The following FBH1 variants were observed in gnomAD, a reference collection of about 807,000 sequenced individuals.
FBH1 encodes the protein DNA 3'-5' helicase 1.
A neutral mutation model predicts 115.5 loss-of-function variants in FBH1; 43 were observed. The ratio of observed to expected loss-of-function variants is 0.37; its 90% CI spans 0.29 to 0.48. FBH1 has a LOEUF of 0.48. Ranked by LOEUF, FBH1 falls within the 20% of genes least tolerant of loss-of-function variation. The pLI is 0.99. For synonymous variants in FBH1, 524 were observed against 507.8 expected (o/e 1.03, Z -0.43); for missense variants, 1,001 against 1,337.3 (o/e 0.75, Z 3.92).
Position 5,906,258 on chromosome 10 carries a change from T to G in FBH1, c.379T>G (p.Ser127Ala), listed in dbSNP as rs746466502. Residue 127 changes from serine to alanine, a missense_variant, in exon 3 of 21, where the codon TCT becomes GCT. Coordinates refer to ENST00000362091, the MANE Select transcript of FBH1 (RefSeq NM_178150.3). This position sits in a 1 kb window ranked among gnomAD's most constrained non-coding sequence, Gnocchi z 7.3. ...GCCCTCCAGGAAGCGGTCTTGGTCC[T>G]CTGAGGAAGAGAGTAACCAGGCTAC... is the stretch of plus-strand genomic sequence containing the variant. ...APPSRKRSWSSEEESNQATGT... is the reference protein window; with the variant it reads ...APPSRKRSWSAEEESNQATGT... 1.2e-5 allele frequency: 20 copies of G among 1,614,206 alleles called. No homozygotes were observed. The African/African-American group carries it at 2.7e-4, about 22-fold the overall frequency.
Position 5,933,642 on chromosome 10 carries a change from GTT to G in FBH1, c.2830-2799_2830-2798del, listed in dbSNP as rs371766916. ...TTGTTAGAAGTGGAGGCACTCTGCT[GTT>G]TTTTTTTTTTTTTTAAAAAACAGAG... On this transcript the variant is annotated intron_variant, in intron 19 of 20. Transcript: ENST00000362091. The surrounding 1 kb of genome is among the most constrained non-coding windows in gnomAD (Gnocchi z 4.9). Among the ~76,000 whole-genome samples, 12,650 of 143,322 alleles carry G rather than the reference GTT, an allele frequency of 0.088. 1,724 individuals are homozygous for G. Among genetic ancestry groups the G allele is most frequent in the African/African-American group, 0.3 (11,863 of 39,564 alleles). 94.0% of individuals were successfully genotyped at this position (143,322 alleles called of 152,430 possible).
chr10:5,915,586 C>T lies in FBH1; in HGVS notation c.1565+15C>T, dbSNP rs1831875343. The T allele has an allele frequency of 2.5e-6, 4 of 1,611,912 alleles. No homozygotes were observed. The highest frequency in any genetic ancestry group is 3.4e-6 in the Non-Finnish European group (4 of 1,178,304). Reference sequence around the variant, plus strand: ...ATAGGGCGGAAGTGAGTACTGCTGTCACTAGTGGCACTGTTGCTGCTGGCA... The same window carrying T: ...ATAGGGCGGAAGTGAGTACTGCTGTTACTAGTGGCACTGTTGCTGCTGGCA... On this transcript the variant is annotated intron_variant, in intron 9 of 20. Coordinates refer to ENST00000362091, the MANE Select transcript of FBH1 (RefSeq NM_178150.3). This position sits in a 1 kb window ranked among gnomAD's most constrained non-coding sequence, Gnocchi z 5.2.
At chr10:5,926,895 C>T (rs1832685969) in intron 18 of FBH1, among the ~76,000 whole-genome samples, 1 of 152,230 alleles carries the variant, frequency 6.6e-6, no homozygotes, top group Non-Finnish European at 1.5e-5. Flanking sequence ...TGCGGTTGAA[C>T]AGCACAGACA....
chr10:5,890,434 C>T (rs546757442), intron 1 of FBH1, 88 bp downstream of exon 1: 106 of 341,740 alleles, frequency 3.1e-4, no homozygotes, highest in Non-Finnish European at 5.2e-4. Flanking sequence ...GCGGGGGGTC[C>T]GGGCCCGGGG....
At chr10:5,907,314 C>A (rs1474111831) in intron 3 of FBH1, among the ~76,000 whole-genome samples, 3 of 151,856 alleles carry the variant, frequency 2.0e-5, no homozygotes, top group Non-Finnish European at 4.4e-5. Context: ...TAGCAATAAA[C>A]CCCTCTCTTA....
chr10:5,914,275 G>C lies in FBH1; in HGVS notation c.1396+6G>C, dbSNP rs1392999746. On this transcript the variant is annotated splice_donor_region_variant and intron_variant, in intron 8 of 20. Coordinates refer to ENST00000362091, the MANE Select transcript of FBH1 (RefSeq NM_178150.3). The surrounding 1 kb of genome is among the most constrained non-coding windows in gnomAD (Gnocchi z 5.2). The stretch of plus-strand genomic sequence containing the variant: ...GAAAATTATGGCCTTTGCCGGTAAG[G>C]GAGCCCACATCAGGTTCACGAGGTG... The C allele has an allele frequency of 1.2e-6, 2 of 1,613,718 alleles. No homozygotes were observed. Among genetic ancestry groups the C allele is most frequent in the Non-Finnish European group, 1.7e-6 (2 of 1,179,682 alleles).
Position 5,897,979 on chromosome 10 carries a change from C to G in FBH1, c.2-5041C>G, listed in dbSNP as rs1467479474. Reference sequence around the variant, plus strand: ...ACATTTTTGATGTTCTGTCATCAGTCTGTTGTGAGCTACCAGGGAGGTCTC... The same window carrying G: ...ACATTTTTGATGTTCTGTCATCAGTGTGTTGTGAGCTACCAGGGAGGTCTC... On this transcript the variant is annotated intron_variant, in intron 1 of 20. Coordinates refer to ENST00000362091, the MANE Select transcript of FBH1 (RefSeq NM_178150.3). The surrounding 1 kb of genome is among the most constrained non-coding windows in gnomAD (Gnocchi z 4.7). Among the ~76,000 whole-genome samples the G allele has an allele frequency of 6.6e-6, 1 of 152,202 alleles. No homozygotes were observed. Among genetic ancestry groups the G allele is most frequent in the Non-Finnish European group, 1.5e-5 (1 of 68,028 alleles).
intron 2 of FBH1, among the ~76,000 whole-genome samples, chr10:5,904,489 A>T (rs561627597): frequency 1.6e-4 from 25 of 152,138 alleles, no homozygotes; most frequent in Non-Finnish European, 3.4e-4. Context: ...ACTGACAAGG[A>T]CTTGTGAGGT....
rs1236449835 is a variant in FBH1 at position 5,933,207 on chromosome 10, G to A, written c.2830-3249G>A. On this transcript the variant is annotated intron_variant, in intron 19 of 20. Coordinates refer to ENST00000362091, the MANE Select transcript of FBH1 (RefSeq NM_178150.3). The surrounding 1 kb of genome is among the most constrained non-coding windows in gnomAD (Gnocchi z 4.9). ...GTTCAAGACCAGCCTGGCTAACATGGTGAAACCCTGTCTCTACTAAAAATA... is the reference window on the plus strand; with the variant it reads ...GTTCAAGACCAGCCTGGCTAACATGATGAAACCCTGTCTCTACTAAAAATA... 6.6e-6 allele frequency among the ~76,000 whole-genome samples: 1 copy of A among 152,068 alleles called. No homozygotes were observed. The highest frequency in any genetic ancestry group is 2.4e-5 in the African/African-American group (1 of 41,412).
chr10:5,891,865 G>A (rs1842755801), intron 1 of FBH1, among the ~76,000 whole-genome samples: 1 of 152,158 alleles, frequency 6.6e-6, no homozygotes, highest in African/African-American at 2.4e-5. Context: ...CACCCAGCTC[G>A]GCCTCCCAAA....
chr10:5,925,335 A>G lies in FBH1; in HGVS notation c.2597-32A>G, dbSNP rs746108919. The G allele has an allele frequency of 6.2e-7, 1 of 1,605,724 alleles. No homozygotes were observed. The highest frequency in any genetic ancestry group is 8.5e-7 in the Non-Finnish European group (1 of 1,176,492). On this transcript the variant is annotated intron_variant, in intron 17 of 20. Coordinates refer to ENST00000362091, the MANE Select transcript of FBH1 (RefSeq NM_178150.3). The surrounding 1 kb of genome is among the most constrained non-coding windows in gnomAD (Gnocchi z 4.6). ...CATCTTGTTTCTTTCCCTTTGAAGC[A>G]CCATCTAACGTGTGCTGTGTTTTTA... is the stretch of plus-strand genomic sequence containing the variant.
rs1238709499 is a variant in FBH1, at chr10:5,935,271, G to A, written c.2830-1185G>A. On this transcript the variant is annotated intron_variant, in intron 19 of 20. Transcript: ENST00000362091. This position sits in a 1 kb window ranked among gnomAD's most constrained non-coding sequence, Gnocchi z 5.2. ...TTGGAAATAGTTTGGAAACAACCGA[G>A]TAACCACAGCAAGGGAATGGGTAAA... is the stretch of plus-strand genomic sequence containing the variant. 4 of 152,328 alleles carry A rather than the reference G, an allele frequency of 2.6e-5. No individual in the cohort carries two copies. Among genetic ancestry groups the A allele is most frequent in the Non-Finnish European group, 4.4e-5 (3 of 68,040 alleles). The allele number at this position is 152,328 out of a possible 1,614,324, so 9.4% of individuals were successfully genotyped here. A position where few individuals can be genotyped will look rare whatever the true frequency, so the allele number is the denominator to read the frequency against.
chr10:5,935,693 G>A lies in FBH1; in HGVS notation c.2830-763G>A, dbSNP rs1020959002. 2 of 152,230 alleles carry A rather than the reference G, an allele frequency of 1.3e-5. No individual in the cohort carries two copies. The highest frequency in any genetic ancestry group is 2.1e-4 in the South Asian group (1 of 4,836). 9.4% of individuals were successfully genotyped at this position (152,230 alleles called of 1,614,324 possible). A position where few individuals can be genotyped will look rare whatever the true frequency, so the allele number is the denominator to read the frequency against. On this transcript the variant is annotated intron_variant, in intron 19 of 20. Coordinates refer to ENST00000362091, the MANE Select transcript of FBH1 (RefSeq NM_178150.3). The surrounding 1 kb of genome is among the most constrained non-coding windows in gnomAD (Gnocchi z 5.2). ...TAAATCAAAACGTAGGTTACAGATT[G>A]TAGAATAAGTAGATCAATAGCTGGT...
rs1331335984 is a variant in FBH1, at chr10:5,895,371, T to C, written c.1+5025T>C. On this transcript the variant is annotated intron_variant, in intron 1 of 20. Transcript: ENST00000362091. The surrounding 1 kb of genome is among the most constrained non-coding windows in gnomAD (Gnocchi z 5.0). Reference sequence around the variant, plus strand: ...TTTTGAAAAAGCAATTATTTAATAATAATATTTACTTCCAGGAATTCTAGG... The same window carrying C: ...TTTTGAAAAAGCAATTATTTAATAACAATATTTACTTCCAGGAATTCTAGG... 1.3e-5 allele frequency among the ~76,000 whole-genome samples: 2 copies of C among 152,310 alleles called. No individual in the cohort carries two copies. Among genetic ancestry groups the C allele is most frequent in the East Asian group, 3.9e-4 (2 of 5,186 alleles).
In FBH1 at chr10:5,917,558, C is replaced by T. The variant is rs201245124; in HGVS notation, c.1877-32C>T. 893 of 1,613,144 alleles carry T rather than the reference C, an allele frequency of 5.5e-4. 6 individuals carry two copies. In the African/African-American group the frequency reaches 0.011, roughly 19 times the overall value. ...CTGGCCAATGGGACTGCCTTCCTGGCGTTACAACTCCTGCGTCTCTCCTTA... is the reference window on the plus strand; with the variant it reads ...CTGGCCAATGGGACTGCCTTCCTGGTGTTACAACTCCTGCGTCTCTCCTTA... On this transcript the variant is annotated intron_variant, in intron 11 of 20. Coordinates refer to ENST00000362091, the MANE Select transcript of FBH1 (RefSeq NM_178150.3). The surrounding 1 kb of genome is among the most constrained non-coding windows in gnomAD (Gnocchi z 5.6).
chr10:5,925,561 C>T lies in FBH1; in HGVS notation c.2722+69C>T, dbSNP rs752895449. 1.4e-5 allele frequency: 23 copies of T among 1,593,288 alleles called. No homozygotes were observed. The highest frequency in any genetic ancestry group is 3.4e-5 in the Admixed American group (2 of 58,144). ...AGTGGTGACTGGAATGCTTCCTTTG[C>T]ACGGCCTTGTTGTTTGTTGGATGGT... On this transcript the variant is annotated intron_variant, in intron 18 of 20. Transcript: ENST00000362091. The surrounding 1 kb of genome is among the most constrained non-coding windows in gnomAD (Gnocchi z 4.6).
intron 1 of FBH1, among the ~76,000 whole-genome samples, chr10:5,899,978 G>C (rs562840201): frequency 3.6e-4 from 55 of 152,248 alleles, no homozygotes; most frequent in African/African-American, 1.3e-3. Context: ...AAATAAACTG[G>C]TCAGCAACAT....
chr10:5,927,601 G>A, intron 19 of FBH1, 60 bp downstream of exon 19: 1 of 1,394,138 alleles, frequency 7.2e-7, no homozygotes, highest in Non-Finnish European at 1.0e-6. Flanking sequence ...TAGTCTGCTT[G>A]AGGGGCTGAC....
intron 1 of FBH1, among the ~76,000 whole-genome samples, chr10:5,899,855 A>G (rs1290928224): frequency 6.6e-6 from 1 of 152,238 alleles, no homozygotes; most frequent in African/African-American, 2.4e-5. Flanking sequence ...GAACAACAAG[A>G]CTTTGTTTTC....
Sources: gnomAD v4.1 joint callset for allele counts (sites outside exome capture counted in the v4.1 genomes callset) on GRCh38, gnomAD v4.1.1 for gene constraint, Gnocchi (gnomAD v3.1) non-coding constraint, MANE v1.5 for transcripts, NCBI Gene and HGNC (gene_info 2026-07-23, HGNC 2026-07-21) for gene names.